Variants in CTIF observed in about 807,000 individuals in gnomAD.
CTIF encodes the protein CBP80/20-dependent translation initiation factor.
Under a neutral mutation model 66.0 loss-of-function variants are expected in CTIF, and 21 were observed. The ratio of observed to expected loss-of-function variants is 0.32; its 90% CI spans 0.23 to 0.46. The LOEUF (loss-of-function observed/expected upper bound fraction) is 0.46. CTIF is among the 20% of genes least tolerant of loss of function. The probability of loss-of-function intolerance (pLI) is 1.00; values close to 1 mark genes in which losing one functional copy is unlikely to be tolerated. For synonymous variants in CTIF, 345 were observed against 326.4 expected (o/e 1.06, Z -0.62); for missense variants, 739 against 812.7 (o/e 0.91, Z 1.10).
At chr18:48,716,574 CA>C (rs1206963506) in intron 7 of CTIF, among the ~76,000 whole-genome samples, 1 of 152,130 alleles carries the variant, frequency 6.6e-6, no homozygotes, top group East Asian at 1.9e-4. Context: ...AAGTCGTCCC[CA>C]CATGGCTCCC....
chr18:48,859,715 G>T lies in CTIF; in HGVS notation c.*156G>T. On this transcript the variant is annotated 3_prime_UTR_variant, in exon 12 of 12. Transcript: ENST00000256413. The stretch of plus-strand genomic sequence containing the variant: ...GGCCAGTCTGGAGCCAGACGGGGAA[G>T]GGAGCAAATCCCTGAGAGGAGTGCC... 1.4e-6 allele frequency: 1 copy of T among 729,032 alleles called. No individual in the cohort carries two copies. The highest frequency in any genetic ancestry group is 1.5e-5 in the South Asian group (1 of 65,776). 45.2% of individuals were successfully genotyped at this position (729,032 alleles called of 1,614,324 possible).
At chr18:48,730,711 C>CTG (rs1568172339) in intron 7 of CTIF, among the ~76,000 whole-genome samples, 3,525 of 38,316 alleles carry the variant, frequency 0.092, 612 homozygotes, top group African/African-American at 0.19. Flanking sequence ...TGAGGGGCTT[C>CTG]CGCGGTGTGA....
intron 2 of CTIF, among the ~76,000 whole-genome samples, chr18:48,621,825 A>G (rs1332506339): frequency 1.3e-5 from 2 of 152,160 alleles, no homozygotes; most frequent in African/African-American, 4.8e-5. Flanking sequence ...ATGTGGTGGT[A>G]TTTGGGGGAA....
intron 3 of CTIF, among the ~76,000 whole-genome samples, chr18:48,650,140 A>C (rs2091128192): frequency 6.6e-6 from 1 of 152,270 alleles, no homozygotes; most frequent in Admixed American, 6.5e-5. Flanking sequence ...TGATGAGCTG[A>C]CAGAAGTAGG....
intron 9 of CTIF, among the ~76,000 whole-genome samples, chr18:48,796,092 T>C (rs2067910720): frequency 6.6e-6 from 1 of 152,132 alleles, no homozygotes; most frequent in Non-Finnish European, 1.5e-5. Context: ...ACTTCCCGGG[T>C]TAAAGTGATT....
intron 7 of CTIF, 59 bp downstream of exon 7, chr18:48,711,754 C>T (rs968141547): frequency 1.8e-5 from 26 of 1,437,656 alleles, no homozygotes; most frequent in Middle Eastern, 3.6e-4. Flanking sequence ...CCATCTGTAG[C>T]GACGTCAGCT....
rs964926259 is a variant in CTIF at position 48,798,361 on chromosome 18, T to C, written c.1372-18860T>C. Among the ~76,000 whole-genome samples, 4 of 152,194 alleles carry C rather than the reference T, an allele frequency of 2.6e-5. No homozygotes were observed. The East Asian group carries it at 5.8e-4, about 22-fold the overall frequency. On this transcript the variant is annotated intron_variant, in intron 9 of 11. Coordinates refer to ENST00000256413, the MANE Select transcript of CTIF (RefSeq NM_014772.3). ...GAGCTGTCAGTTCCAGAGCCCGGGC[T>C]TTATTTAACCCTCTTCGGTTTGGGG...
chr18:48,765,760 C>A (rs1599002374), intron 9 of CTIF, among the ~76,000 whole-genome samples: 1 of 152,140 alleles, frequency 6.6e-6, no homozygotes, highest in Non-Finnish European at 1.5e-5. Flanking sequence ...GTGCTGGAGA[C>A]CTTGGGGTCT....
intron 3 of CTIF, among the ~76,000 whole-genome samples, chr18:48,663,515 G>A (rs1353924018): frequency 1.3e-5 from 2 of 152,084 alleles, no homozygotes; most frequent in African/African-American, 2.4e-5. Flanking sequence ...TGGGCCTGGG[G>A]CAGCAGGGGC....
At chr18:48,701,349 C>G (rs1306243363) in intron 6 of CTIF, among the ~76,000 whole-genome samples, 1 of 152,192 alleles carries the variant, frequency 6.6e-6, no homozygotes, top group Non-Finnish European at 1.5e-5. Context: ...TGGAGCATGT[C>G]AGTCCACTCC....
intron 1 of CTIF, among the ~76,000 whole-genome samples, chr18:48,551,572 C>A (rs1296382223): frequency 6.6e-6 from 1 of 152,170 alleles, no homozygotes; most frequent in East Asian, 1.9e-4. Flanking sequence ...AAGTGTATTT[C>A]ATCTTTCAGC....
chr18:48,619,014 A>G (rs1012115889), intron 1 of CTIF, among the ~76,000 whole-genome samples: 11 of 152,196 alleles, frequency 7.2e-5, no homozygotes, highest in South Asian at 4.1e-4. Flanking sequence ...ATAGGCTTCA[A>G]CTAATTTAGG....
chr18:48,791,492 C>G (rs1014336366), intron 9 of CTIF, among the ~76,000 whole-genome samples: 18 of 152,202 alleles, frequency 1.2e-4, no homozygotes, highest in Admixed American at 7.8e-4. Context: ...GCCTCTACCC[C>G]CAGCCCCCAA....
chr18:48,857,792 C>G lies in CTIF; in HGVS notation c.1581+151C>G, dbSNP rs1020775448. On this transcript the variant is annotated intron_variant, in intron 11 of 11. Coordinates refer to ENST00000256413, the MANE Select transcript of CTIF (RefSeq NM_014772.3). ...CAGGAGTGGGCATGGACTTCTGCAT[C>G]CAGAATTATCCACCCCAAGCCAGAG... 6.3e-5 allele frequency: 37 copies of G among 583,822 alleles called. No individual in the cohort carries two copies. The South Asian group carries it at 9.7e-4, about 15-fold the overall frequency. 36.2% of individuals were successfully genotyped at this position (583,822 alleles called of 1,614,324 possible).
chr18:48,626,022 G>A (rs1394893868), intron 2 of CTIF, among the ~76,000 whole-genome samples: 1 of 81,294 alleles, frequency 1.2e-5, no homozygotes, highest in East Asian at 3.3e-4. Flanking sequence ...TTTTTTTTGA[G>A]ATGGAGTCTC....
intron 7 of CTIF, among the ~76,000 whole-genome samples, chr18:48,731,577 G>T (rs2092457104): frequency 6.6e-6 from 1 of 152,144 alleles, no homozygotes. Context: ...GTAAGGGCTT[G>T]GTTTGTCTGT....
chr18:48,859,869 C>A lies in CTIF; in HGVS notation c.*310C>A, dbSNP rs1387657275. 7 of 568,336 alleles carry A rather than the reference C, an allele frequency of 1.2e-5. No homozygotes were observed. Among genetic ancestry groups the A allele is most frequent in the Non-Finnish European group, 2.0e-5 (6 of 298,916 alleles). The allele number at this position is 568,336 out of a possible 1,614,324, so 35.2% of individuals were successfully genotyped here. The stretch of plus-strand genomic sequence containing the variant: ...TCCCCTCCCCATCAGACCCATCCCC[C>A]ACGGAGCTTTGTGTGAGGGATCTCA... On this transcript the variant is annotated 3_prime_UTR_variant, in exon 12 of 12. Transcript: ENST00000256413.
intron 7 of CTIF, among the ~76,000 whole-genome samples, chr18:48,713,497 A>G (rs1452523302): frequency 6.6e-6 from 1 of 152,132 alleles, no homozygotes; most frequent in East Asian, 1.9e-4. Context: ...CGCGGCATGC[A>G]ACGGCTGGGA....
intron 1 of CTIF, among the ~76,000 whole-genome samples, chr18:48,581,692 G>C (rs2089661348): frequency 6.6e-6 from 1 of 152,152 alleles, no homozygotes; most frequent in Non-Finnish European, 1.5e-5. Context: ...TCTTTTTGTT[G>C]CCTGCACAGG....
Sources: allele counts gnomAD v4.1 joint callset (sites outside exome capture counted in the v4.1 genomes callset), GRCh38; gene constraint gnomAD v4.1.1; transcripts MANE v1.5; gene names NCBI Gene and HGNC (gene_info 2026-07-23, HGNC 2026-07-21).